Variants in RALA observed in about 807,000 individuals in gnomAD.
The protein encoded by RALA is ras-related protein Ral-A.
Under a neutral mutation model 24.0 loss-of-function variants are expected in RALA, and 5 were observed. The observed-to-expected ratio is 0.21, with a 90% CI of 0.11 to 0.44. RALA has a LOEUF of 0.44. Among genes scored for constraint, RALA ranks in the 20% least tolerant of loss-of-function variants. The pLI is 0.99. For missense variants in RALA, 95 were observed against 241.2 expected (o/e 0.39, Z 4.01); for synonymous variants, 77 against 83.8 (o/e 0.92, Z 0.44).
At chr7:39,682,612 T>G (rs79193592) in intron 1 of RALA, among the ~76,000 whole-genome samples, 9,421 of 152,318 alleles carry the variant, frequency 0.062, 383 homozygotes, top group Non-Finnish European at 0.087. Flanking sequence ...GTGCTGTGGT[T>G]TAAATGTGTC....
intron 1 of RALA, among the ~76,000 whole-genome samples, chr7:39,679,291 G>C (rs1792543639): frequency 6.6e-6 from 1 of 152,026 alleles, no homozygotes; most frequent in Non-Finnish European, 1.5e-5. Context: ...CACATTCTCT[G>C]TTACGTATTC....
At chr7:39,632,015 G>A (rs1289987903) in intron 1 of RALA, among the ~76,000 whole-genome samples, 1 of 152,164 alleles carries the variant, frequency 6.6e-6, no homozygotes, top group Non-Finnish European at 1.5e-5. Context: ...GTGAGAGAGA[G>A]GAGGAGGTTC....
intron 1 of RALA, among the ~76,000 whole-genome samples, chr7:39,659,189 G>A (rs1792143909): frequency 6.6e-6 from 1 of 152,046 alleles, no homozygotes. Flanking sequence ...TGAGGCAGGA[G>A]GATTGCTTGA....
intron 4 of RALA, among the ~76,000 whole-genome samples, chr7:39,697,948 AGTGTGTGT>A (rs370929636): frequency 1.1e-4 from 16 of 148,788 alleles, no homozygotes; most frequent in Admixed American, 2.7e-4. Flanking sequence ...GACTAGGGCA[AGTGTGTGT>A]GTGTGTGTGT....
rs530479672 is a variant in RALA at position 39,698,595 on chromosome 7, G to A, written c.498+1736G>A. 9.9e-4 allele frequency among the ~76,000 whole-genome samples: 150 copies of A among 152,276 alleles called. 1 individual carries two copies. Among genetic ancestry groups the A allele is most frequent in the African/African-American group, 3.3e-3 (139 of 41,544 alleles). On this transcript the variant is annotated intron_variant, in intron 4 of 4. Coordinates refer to ENST00000005257, the MANE Select transcript of RALA (RefSeq NM_005402.4). The stretch of plus-strand genomic sequence containing the variant: ...GGTGTTTGAGGTTTTAAAAGGCAAC[G>A]TTGAACATTCTCATAGCATATATAT...
intron 4 of RALA, among the ~76,000 whole-genome samples, chr7:39,703,719 T>C (rs1793068802): frequency 1.3e-5 from 2 of 152,232 alleles, no homozygotes; most frequent in Admixed American, 6.5e-5. Flanking sequence ...CCAATTCAAA[T>C]TTAACATTAC....
chr7:39,663,429 G>C (rs1324871978), intron 1 of RALA, among the ~76,000 whole-genome samples: 1 of 152,054 alleles, frequency 6.6e-6, no homozygotes, highest in East Asian at 1.9e-4. Context: ...TGTAGTGTTT[G>C]TACAACACTG....
chr7:39,648,027 A>G (rs1038961087), intron 1 of RALA, among the ~76,000 whole-genome samples: 1 of 152,208 alleles, frequency 6.6e-6, no homozygotes, highest in Admixed American at 6.5e-5. Flanking sequence ...CTGGTATGCC[A>G]CTTCTATATG....
At chr7:39,674,978 C>T (rs997239520) in intron 1 of RALA, among the ~76,000 whole-genome samples, 1 of 151,932 alleles carries the variant, frequency 6.6e-6, no homozygotes, top group African/African-American at 2.4e-5. Flanking sequence ...CACACGCTAC[C>T]ACACCCCGCT....
intron 1 of RALA, among the ~76,000 whole-genome samples, chr7:39,658,596 T>TAC (rs1792134849): frequency 1.3e-5 from 2 of 152,108 alleles, no homozygotes; most frequent in Admixed American, 1.3e-4. Context: ...AATATATATA[T>TAC]ACACACACAC....
chr7:39,671,780 A>C (rs1229173156), intron 1 of RALA, among the ~76,000 whole-genome samples: 1 of 152,302 alleles, frequency 6.6e-6, no homozygotes, highest in East Asian at 1.9e-4. Context: ...AGTCTTTGTT[A>C]TTATTTTGTG....
chr7:39,653,919 A>G (rs1792057312), intron 1 of RALA, among the ~76,000 whole-genome samples: 1 of 152,160 alleles, frequency 6.6e-6, no homozygotes, highest in Non-Finnish European at 1.5e-5. Flanking sequence ...AGTTATTTTC[A>G]TGTACTGTGC....
At chr7:39,635,866 G>C (rs550182216) in intron 1 of RALA, among the ~76,000 whole-genome samples, 6 of 152,192 alleles carry the variant, frequency 3.9e-5, no homozygotes, top group Non-Finnish European at 5.9e-5. Flanking sequence ...ACAGGCCACA[G>C]ACTGGTACCA....
intron 1 of RALA, among the ~76,000 whole-genome samples, chr7:39,683,151 A>G (rs2116056859): frequency 6.6e-6 from 1 of 152,322 alleles, no homozygotes. Flanking sequence ...CCCAGCCTTC[A>G]GAAGTGTAAG....
intron 1 of RALA, among the ~76,000 whole-genome samples, chr7:39,643,603 C>T (rs528427076): frequency 1.3e-5 from 2 of 152,216 alleles, no homozygotes; most frequent in African/African-American, 4.8e-5. Context: ...CGCCTGTAAT[C>T]CCAGCACTTT....
chr7:39,667,122 T>C (rs1401776322), intron 1 of RALA, among the ~76,000 whole-genome samples: 1 of 152,236 alleles, frequency 6.6e-6, no homozygotes, highest in Non-Finnish European at 1.5e-5. Flanking sequence ...GTCATCCATA[T>C]CAGAAAACTG....
At chr7:39,662,673 T>C (rs970325073) in intron 1 of RALA, among the ~76,000 whole-genome samples, 7 of 152,330 alleles carry the variant, frequency 4.6e-5, no homozygotes, top group African/African-American at 1.7e-4. Context: ...TATATCATTA[T>C]CAGCATTTGA....
intron 1 of RALA, among the ~76,000 whole-genome samples, chr7:39,662,854 C>G (rs1333925319): frequency 2.6e-5 from 4 of 152,150 alleles, no homozygotes; most frequent in Admixed American, 2.6e-4. Context: ...TACCAGTTTC[C>G]TGTATTGGTC....
chr7:39,668,506 A>G (rs1421344021), intron 1 of RALA, among the ~76,000 whole-genome samples: 2 of 152,196 alleles, frequency 1.3e-5, no homozygotes, highest in African/African-American at 4.8e-5. Flanking sequence ...GAAGTCAGTA[A>G]AACAACATAA....
Sources: gnomAD v4.1 joint callset for allele counts (sites outside exome capture counted in the v4.1 genomes callset) on GRCh38, gnomAD v4.1.1 for gene constraint, MANE v1.5 for transcripts, NCBI Gene and HGNC (gene_info 2026-07-23, HGNC 2026-07-21) for gene names.